GSG1L: variants seen among roughly 807,000 people sequenced by gnomAD.
The protein encoded by GSG1L is GSG1 like, also known as germ cell-specific gene 1-like protein.
Under a neutral mutation model 42.1 loss-of-function variants are expected in GSG1L, and 24 were observed. The ratio of observed to expected loss-of-function variants is 0.57; its 90% CI spans 0.41 to 0.80. The LOEUF is 0.80. Among genes scored for constraint, GSG1L ranks in the 30% least tolerant of loss-of-function variants. GSG1L has a pLI of 0.00. For missense variants in GSG1L, 445 were observed against 472.2 expected (o/e 0.94, Z 0.53); for synonymous variants, 215 against 203.5 (o/e 1.06, Z -0.48).
chr16:27,947,575 AAG>A (rs1491519987), intron 2 of GSG1L, among the ~76,000 whole-genome samples: 1 of 90,112 alleles, frequency 1.1e-5, no homozygotes, highest in African/African-American at 4.0e-5. Context: ...GAAAGAAAGA[AAG>A]AAAGAAAGAA....
chr16:28,046,547 G>A (rs2086161587), intron 1 of GSG1L, among the ~76,000 whole-genome samples: 1 of 151,932 alleles, frequency 6.6e-6, no homozygotes, highest in South Asian at 2.1e-4. Flanking sequence ...TAGAGACGGG[G>A]GTTTCACCGT....
chr16:27,896,605 A>T (rs2084194809), intron 2 of GSG1L, among the ~76,000 whole-genome samples: 1 of 152,074 alleles, frequency 6.6e-6, no homozygotes, highest in Non-Finnish European at 1.5e-5. Context: ...GAAGGCATAG[A>T]AAAAAAAGAT....
At chr16:28,035,735 T>C (rs1042255096) in intron 1 of GSG1L, among the ~76,000 whole-genome samples, 7 of 152,148 alleles carry the variant, frequency 4.6e-5, no homozygotes, top group African/African-American at 1.4e-4. Context: ...GATTTCCTCA[T>C]ACAACCCCTC....
At chr16:27,968,020 G>A (rs1156316711) in intron 1 of GSG1L, among the ~76,000 whole-genome samples, 2 of 152,116 alleles carry the variant, frequency 1.3e-5, no homozygotes, top group African/African-American at 4.8e-5. Context: ...TGGAGGAGAT[G>A]TAATGGCCAA....
intron 2 of GSG1L, among the ~76,000 whole-genome samples, chr16:27,890,561 C>T (rs2084113941): frequency 6.6e-6 from 1 of 152,196 alleles, no homozygotes; most frequent in Non-Finnish European, 1.5e-5. Flanking sequence ...GGGGTGGACT[C>T]AGTGGGCTGT....
intron 2 of GSG1L, among the ~76,000 whole-genome samples, chr16:27,898,972 G>T (rs1337184374): frequency 1.3e-5 from 2 of 152,140 alleles, no homozygotes; most frequent in Non-Finnish European, 2.9e-5. Context: ...CCTATTGTTT[G>T]CCACCACAAA....
At chr16:28,058,118 G>C (rs2141201950) in intron 1 of GSG1L, among the ~76,000 whole-genome samples, 1 of 152,326 alleles carries the variant, frequency 6.6e-6, no homozygotes, top group Non-Finnish European at 1.5e-5. Context: ...AAGGGAGCCT[G>C]AGTGAGCTGG....
chr16:27,960,588 C>A (rs1233804661), intron 2 of GSG1L, among the ~76,000 whole-genome samples: 1 of 152,154 alleles, frequency 6.6e-6, no homozygotes, highest in African/African-American at 2.4e-5. Context: ...GGAACAAGTC[C>A]CTCGTCTCTC....
chr16:27,814,546 G>A (rs13331160), intron 5 of GSG1L, among the ~76,000 whole-genome samples: 1 of 152,110 alleles, frequency 6.6e-6, no homozygotes, highest in Admixed American at 6.5e-5. Flanking sequence ...TCAGCCAGGC[G>A]TGGTGGCGGG....
At chr16:27,834,663 G>A (rs2083304808) in intron 4 of GSG1L, among the ~76,000 whole-genome samples, 1 of 152,120 alleles carries the variant, frequency 6.6e-6, no homozygotes, top group Admixed American at 6.5e-5. Flanking sequence ...TGTGCTGTTA[G>A]AAAAACTGAT....
intron 4 of GSG1L, among the ~76,000 whole-genome samples, chr16:27,840,644 C>A (rs896326611): frequency 6.6e-6 from 1 of 152,220 alleles, no homozygotes; most frequent in Non-Finnish European, 1.5e-5. Flanking sequence ...ACACCTCCCG[C>A]GGTTCATGCC....
chr16:27,834,923 C>A (rs2083307766), intron 4 of GSG1L, among the ~76,000 whole-genome samples: 1 of 152,146 alleles, frequency 6.6e-6, no homozygotes, highest in South Asian at 2.1e-4. Context: ...TTGATTTTTG[C>A]TCATCTTTCT....
In GSG1L at chr16:27,848,156, T is replaced by TTGAA. The variant is rs780915117; in HGVS notation, c.551-3099_551-3096dup. Reference sequence around the variant, plus strand: ...ACAAAATAAGCTCCACAGAAGTTTCTTGAATGAATGAATGAATGAAGAGTG... The same window carrying TTGAA: ...ACAAAATAAGCTCCACAGAAGTTTCTTGAATGAATGAATGAATGAATGAAGAGTG... On this transcript the variant is annotated intron_variant, in intron 3 of 6. Coordinates refer to ENST00000447459, the MANE Select transcript of GSG1L (RefSeq NM_001109763.2). 1.4e-4 allele frequency among the ~76,000 whole-genome samples: 21 copies of TTGAA among 152,330 alleles called. 1 individual carries two copies. The highest frequency in any genetic ancestry group is 4.1e-4 in the South Asian group (2 of 4,820).
chr16:28,053,893 G>A (rs1476094669), intron 1 of GSG1L, among the ~76,000 whole-genome samples: 1 of 152,090 alleles, frequency 6.6e-6, no homozygotes, highest in Non-Finnish European at 1.5e-5. Flanking sequence ...ATCTCCCTTT[G>A]CGTCTTCTCA....
intron 1 of GSG1L, among the ~76,000 whole-genome samples, chr16:28,017,610 G>C (rs1033681643): frequency 3.3e-5 from 5 of 152,158 alleles, no homozygotes; most frequent in African/African-American, 4.8e-5. Context: ...ACCTGCAAGA[G>C]AGCCTTATAA....
intron 5 of GSG1L, among the ~76,000 whole-genome samples, chr16:27,814,688 GAAA>G (rs750992732): frequency 4.2e-5 from 4 of 94,338 alleles, no homozygotes; most frequent in Admixed American, 1.2e-4. Flanking sequence ...CCGTCTCAAG[GAAA>G]AAAAAAAAAA....
intron 2 of GSG1L, among the ~76,000 whole-genome samples, chr16:27,932,738 G>A (rs2084670527): frequency 6.6e-6 from 1 of 152,086 alleles, no homozygotes; most frequent in Non-Finnish European, 1.5e-5. Flanking sequence ...GACTTGCTTT[G>A]TCCAGTGACA....
intron 3 of GSG1L, among the ~76,000 whole-genome samples, chr16:27,878,393 C>A (rs2083913238): frequency 6.6e-6 from 1 of 152,102 alleles, no homozygotes; most frequent in Non-Finnish European, 1.5e-5. Flanking sequence ...AAGTAGGAAC[C>A]CCTTATGAAA....
chr16:27,997,978 G>A (rs1486472118), intron 1 of GSG1L, among the ~76,000 whole-genome samples: 1 of 151,458 alleles, frequency 6.6e-6, no homozygotes, highest in Non-Finnish European at 1.5e-5. Flanking sequence ...TCCTGACTCG[G>A]CCTCCCAAAT....
Sources: allele counts gnomAD v4.1 joint callset (sites outside exome capture counted in the v4.1 genomes callset), GRCh38; gene constraint gnomAD v4.1.1; transcripts MANE v1.5; gene names NCBI Gene and HGNC (gene_info 2026-07-23, HGNC 2026-07-21).